Variants in RAB14 observed in about 807,000 individuals in gnomAD.
The protein encoded by RAB14 is RAB14, member RAS oncogene family, also known as ras-related protein Rab-14.
Under a neutral mutation model 31.1 loss-of-function variants are expected in RAB14, and 3 were observed. The observed-to-expected ratio is 0.10, with a 90% CI of 0.04 to 0.25. The LOEUF (loss-of-function observed/expected upper bound fraction) is 0.25, where lower values mean the gene tolerates loss of function less well. RAB14 is among the 10% of genes least tolerant of loss of function. The pLI, the probability that RAB14 is intolerant of heterozygous loss-of-function variation, is 1.00. For missense variants in RAB14, 111 were observed against 260.1 expected, an observed-to-expected ratio of 0.43 and a Z score of 3.94; for synonymous variants, 85 against 84.9, an observed-to-expected ratio of 1.00 and a Z score of 0.00.
At chr9:121,188,254 A>C (rs2053668314) in intron 4 of RAB14, among the ~76,000 whole-genome samples, 1 of 152,002 alleles carries the variant, frequency 6.6e-6, no homozygotes. Flanking sequence ...TATTATTGGC[A>C]TATCTTGACT....
chr9:121,186,849 C>A, intron 5 of RAB14, 104 bp downstream of exon 5: 1 of 622,764 alleles, frequency 1.6e-6, no homozygotes, highest in South Asian at 3.4e-5. Flanking sequence ...AAAATTCTCT[C>A]ATTCTTAGTA....
rs142209277 is a variant in RAB14, at chr9:121,194,199, C to T, written c.-7-780G>A. ...TTAAGCGTCCCTCCCATCTCAGTCT[C>T]CCAAAGTGCTAGGATTACAGGCATG... On this transcript the variant is annotated intron_variant, in intron 1 of 7. Coordinates refer to ENST00000373840, the MANE Select transcript of RAB14 (RefSeq NM_016322.4). Among the ~76,000 whole-genome samples the T allele has an allele frequency of 5.4e-3, 823 of 152,080 alleles. 3 individuals carry two copies. The highest frequency in any genetic ancestry group is 8.7e-3 in the Non-Finnish European group (592 of 67,966).
intron 5 of RAB14, among the ~76,000 whole-genome samples, chr9:121,186,550 TTTA>T (rs2053660165): frequency 6.6e-6 from 1 of 152,170 alleles, no homozygotes; most frequent in South Asian, 2.1e-4. Context: ...AGTTGAAATT[TTTA>T]TTGAGGTAAC....
At position 121,181,379 on chromosome 9, in the gene RAB14, C is replaced by A; in HGVS notation, c.*17G>T. The A allele has an allele frequency of 6.4e-7, 1 of 1,567,342 alleles. No individual in the cohort carries two copies. The highest frequency in any genetic ancestry group is 8.7e-7 in the Non-Finnish European group (1 of 1,147,662). Reference sequence around the variant, plus strand: ...CAGAGGTGAAAGGTCAAATGAGGGGCCACAGCAAAGAGGTCACTAGCAGCC... The same window carrying A: ...CAGAGGTGAAAGGTCAAATGAGGGGACACAGCAAAGAGGTCACTAGCAGCC... On this transcript the variant is annotated 3_prime_UTR_variant, in exon 8 of 8. Coordinates refer to ENST00000373840, the MANE Select transcript of RAB14 (RefSeq NM_016322.4).
Position 121,178,522 on chromosome 9 carries a change from CATTT to C in RAB14, c.*2870_*2873del, listed in dbSNP as rs2053611174. ...GTTTAGGGGAATGAACTGAACCACT[CATTT>C]TTTTAAAATCACACTTAAAAGACAC... is the stretch of plus-strand genomic sequence containing the variant. On this transcript the variant is annotated 3_prime_UTR_variant, in exon 8 of 8. Transcript: ENST00000373840. 1 of 152,574 alleles carries C rather than the reference CATTT, an allele frequency of 6.6e-6. No individual in the cohort carries two copies. The highest frequency in any genetic ancestry group is 1.5e-5 in the Non-Finnish European group (1 of 68,022). The allele number at this position is 152,574 out of a possible 1,614,324, so 9.5% of individuals were successfully genotyped here. A position where few individuals can be genotyped will look rare whatever the true frequency, so the allele number is the denominator to read the frequency against.
Position 121,181,317 on chromosome 9 carries a change from A to G in RAB14, c.*79T>C. On this transcript the variant is annotated 3_prime_UTR_variant, in exon 8 of 8. Transcript: ENST00000373840. ...AATTAAACCCAGTAAGATGTACAGA[A>G]GACAATGAGGCAGTAAAAAGTACTG... 1 of 1,353,832 alleles carries G rather than the reference A, an allele frequency of 7.4e-7. No homozygotes were observed. Among genetic ancestry groups the G allele is most frequent in the Non-Finnish European group, 9.9e-7 (1 of 1,007,584 alleles). The allele number at this position is 1,353,832 out of a possible 1,614,324, so 83.9% of individuals were successfully genotyped here.
intron 5 of RAB14, among the ~76,000 whole-genome samples, chr9:121,183,831 G>A (rs1002931726): frequency 4.6e-5 from 7 of 152,170 alleles, no homozygotes; most frequent in Non-Finnish European, 8.8e-5. Flanking sequence ...CAAAGATTAC[G>A]ATATAGCTGA....
rs1323661230 is a variant in RAB14 at position 121,190,739 on chromosome 9, G to A, written c.107-8C>T. The A allele has an allele frequency of 2.5e-6, 4 of 1,609,700 alleles. No homozygotes were observed. Among genetic ancestry groups the A allele is most frequent in the Non-Finnish European group, 2.5e-6 (3 of 1,177,932 alleles). ...GAGGACAATCAGCCATAACTGTTAA[G>A]GAGGAAAAAAAGTAATAGCCCAATT... On this transcript the variant is annotated splice_polypyrimidine_tract_variant and splice_region_variant and intron_variant, in intron 3 of 7. Transcript: ENST00000373840.
At chr9:121,196,964 T>A (rs2053720820) in intron 1 of RAB14, among the ~76,000 whole-genome samples, 3 of 152,128 alleles carry the variant, frequency 2.0e-5, no homozygotes. Context: ...TTAAAGAAAC[T>A]GAGGTTTGGA....
chr9:121,190,736 TA>T lies in RAB14; in HGVS notation c.107-6del, dbSNP rs2053681861. ...TGTGAGGACAATCAGCCATAACTGT[TA>T]AGGAGGAAAAAAAGTAATAGCCCAA... On this transcript the variant is annotated splice_polypyrimidine_tract_variant and splice_region_variant and intron_variant, in intron 3 of 7. Transcript: ENST00000373840. 6.2e-7 allele frequency: 1 copy of T among 1,610,500 alleles called. No homozygotes were observed. Among genetic ancestry groups the T allele is most frequent in the Non-Finnish European group, 8.5e-7 (1 of 1,178,258 alleles).
intron 4 of RAB14, among the ~76,000 whole-genome samples, chr9:121,187,346 A>C (rs1325285953): frequency 6.6e-6 from 1 of 152,134 alleles, no homozygotes; most frequent in African/African-American, 2.4e-5. Context: ...TGTGGAGTCA[A>C]AACTCAAATT....
At chr9:121,189,659 T>TTTCTTACTGCAGAAC (rs2053676173) in intron 4 of RAB14, among the ~76,000 whole-genome samples, 1 of 152,156 alleles carries the variant, frequency 6.6e-6, no homozygotes, top group Non-Finnish European at 1.5e-5. Flanking sequence ...CAGCAAAGAA[T>TTTCTTACTGCAGAAC]TTCTTACTGC....
chr9:121,194,513 G>A (rs2132028121), intron 1 of RAB14, among the ~76,000 whole-genome samples: 2 of 152,154 alleles, frequency 1.3e-5, no homozygotes. Flanking sequence ...GAGAAACAAG[G>A]GGCTGAACTG....
Position 121,183,295 on chromosome 9 carries a change from T to A in RAB14, c.439+16A>T. On this transcript the variant is annotated intron_variant, in intron 6 of 7. Transcript: ENST00000373840. ...AATTCTCCCAATTGTGACCATTAAG[T>A]CTTAAAGAAACTCACCATTTTCTTC... 1 of 1,582,134 alleles carries A rather than the reference T, an allele frequency of 6.3e-7. No individual in the cohort carries two copies. The highest frequency in any genetic ancestry group is 1.1e-5 in the South Asian group (1 of 89,756).
intron 5 of RAB14, among the ~76,000 whole-genome samples, chr9:121,185,057 C>T (rs1002420197): frequency 1.3e-5 from 2 of 152,160 alleles, no homozygotes; most frequent in Non-Finnish European, 2.9e-5. Flanking sequence ...ACACAGAAAT[C>T]AAGGGCAATT....
intron 1 of RAB14, among the ~76,000 whole-genome samples, chr9:121,193,660 C>G (rs1302678898): frequency 1.3e-5 from 2 of 152,098 alleles, no homozygotes; most frequent in Non-Finnish European, 2.9e-5. Context: ...TATACCACAA[C>G]TCCAATATTT....
intron 1 of RAB14, among the ~76,000 whole-genome samples, chr9:121,197,280 A>G (rs2053723080): frequency 6.6e-6 from 1 of 152,190 alleles, no homozygotes; most frequent in Non-Finnish European, 1.5e-5. Flanking sequence ...TTGCTTTAAT[A>G]AAGGATTTCT....
chr9:121,193,531 TG>T (rs1312507795), intron 1 of RAB14, 112 bp from the exon 2 acceptor site: 1 of 688,046 alleles, frequency 1.5e-6, no homozygotes, highest in African/African-American at 1.9e-5. Context: ...AAACAAATGT[TG>T]GTTACAGTAA....
Position 121,201,680 on chromosome 9 carries a change from G to C in RAB14, c.-49C>G, listed in dbSNP as rs554401458. 67 of 152,574 alleles carry C rather than the reference G, an allele frequency of 4.4e-4. No individual in the cohort carries two copies. The highest frequency in any genetic ancestry group is 1.5e-3 in the African/African-American group (63 of 41,534). 9.5% of individuals were successfully genotyped at this position (152,574 alleles called of 1,614,324 possible). ...GGCTGGGCAGCTTTCCGGGCGGGAGGGGGGCGTCAGGACCAGGAACAGGAG... is the reference window on the plus strand; with the variant it reads ...GGCTGGGCAGCTTTCCGGGCGGGAGCGGGGCGTCAGGACCAGGAACAGGAG... On this transcript the variant is annotated 5_prime_UTR_variant, in exon 1 of 8. Transcript: ENST00000373840.
Sources: gnomAD v4.1 joint callset for allele counts (sites outside exome capture counted in the v4.1 genomes callset) on GRCh38, gnomAD v4.1.1 for gene constraint, MANE v1.5 for transcripts, NCBI Gene and HGNC (gene_info 2026-07-23, HGNC 2026-07-21) for gene names.